Variants in MYCBP2 observed in about 807,000 individuals in gnomAD.
MYCBP2 encodes the protein E3 ubiquitin-protein ligase MYCBP2.
MYCBP2 carries 120 observed loss-of-function variants against 525.3 expected under a neutral mutation model. The ratio of observed to expected loss-of-function variants is 0.23; its 90% CI spans 0.20 to 0.27. The LOEUF (loss-of-function observed/expected upper bound fraction) is 0.27. MYCBP2 is among the 10% of genes least tolerant of loss of function. The pLI is 1.00. For missense variants in MYCBP2, 4,149 were observed against 5,657.1 expected (o/e 0.73, Z 8.55); for synonymous variants, 1,894 against 1,955.8 (o/e 0.97, Z 0.83).
At chr13:77,313,973 G>A (rs962818450) in intron 1 of MYCBP2, among the ~76,000 whole-genome samples, 5 of 151,558 alleles carry the variant, frequency 3.3e-5, no homozygotes, top group Non-Finnish European at 5.9e-5. Flanking sequence ...ACACCTATCA[G>A]AATGGCCAAA....
intron 18 of MYCBP2, among the ~76,000 whole-genome samples, chr13:77,229,151 T>C (rs1018631146): frequency 6.6e-6 from 1 of 152,230 alleles, no homozygotes; most frequent in African/African-American, 2.4e-5. Flanking sequence ...GCTAGTTGTA[T>C]GACAACTGGA....
At chr13:77,075,455 C>T (rs1465225770) in intron 68 of MYCBP2, 2 of 152,198 alleles carry the variant, frequency 1.3e-5, no homozygotes, top group Admixed American at 1.3e-4. Context: ...GCCAGTCTCT[C>T]TGATCAGTCC....
At chr13:77,176,677 A>T in intron 35 of MYCBP2, 49 bp from the exon 36 acceptor site, 1 of 1,352,146 alleles carries the variant, frequency 7.4e-7, no homozygotes, top group Non-Finnish European at 9.9e-7. Flanking sequence ...TCTTAATTTT[A>T]TTGTATGAAC....
intron 46 of MYCBP2, among the ~76,000 whole-genome samples, chr13:77,154,719 G>T (rs1288518876): frequency 6.6e-6 from 1 of 152,028 alleles, no homozygotes; most frequent in Non-Finnish European, 1.5e-5. Flanking sequence ...CAATATACAA[G>T]CCCTTCAACA....
At chr13:77,320,889 G>C (rs185750016) in intron 1 of MYCBP2, among the ~76,000 whole-genome samples, 1 of 152,280 alleles carries the variant, frequency 6.6e-6, no homozygotes, top group Admixed American at 6.5e-5. Flanking sequence ...TGCCCTTAAG[G>C]AGCTAGATTT....
intron 46 of MYCBP2, among the ~76,000 whole-genome samples, chr13:77,153,035 A>T (rs1022961889): frequency 1.4e-5 from 2 of 143,350 alleles, no homozygotes; most frequent in Non-Finnish European, 3.0e-5. Context: ...ACTGTACTCC[A>T]GCCTGGGCGA....
intron 26 of MYCBP2, among the ~76,000 whole-genome samples, chr13:77,200,562 A>C (rs1201217251): frequency 6.6e-6 from 1 of 152,184 alleles, no homozygotes; most frequent in Non-Finnish European, 1.5e-5. Context: ...ATACTCCTTG[A>C]GAAGAGCAAC....
At chr13:77,305,261 T>C (rs1055815901) in intron 1 of MYCBP2, among the ~76,000 whole-genome samples, 2 of 152,004 alleles carry the variant, frequency 1.3e-5, no homozygotes, top group African/African-American at 4.8e-5. Flanking sequence ...GCAAAAATAC[T>C]GCACAGCCAA....
intron 1 of MYCBP2, among the ~76,000 whole-genome samples, chr13:77,317,167 G>C (rs1429121594): frequency 1.3e-5 from 2 of 152,112 alleles, no homozygotes; most frequent in Non-Finnish European, 2.9e-5. Flanking sequence ...GGCTGAGCTG[G>C]TTTCGAACTC....
At chr13:77,301,381 C>T (rs958119610) in intron 1 of MYCBP2, among the ~76,000 whole-genome samples, 8 of 143,976 alleles carry the variant, frequency 5.6e-5, no homozygotes, top group African/African-American at 2.1e-4. Flanking sequence ...CAAGATCGCG[C>T]CACTGCACTC....
At chr13:77,210,330 T>C (rs901079581) in intron 23 of MYCBP2, among the ~76,000 whole-genome samples, 12 of 151,640 alleles carry the variant, frequency 7.9e-5, no homozygotes, top group Non-Finnish European at 8.8e-5. Flanking sequence ...GTAGCTGGGA[T>C]TACAGGTGCC....
At chr13:77,263,506 C>CA in intron 10 of MYCBP2, 145 bp downstream of exon 10, 1 of 583,052 alleles carries the variant, frequency 1.7e-6, no homozygotes, top group Admixed American at 3.4e-5. Context: ...CATATTAATT[C>CA]AAAATTATCC....
chr13:77,253,312 A>AT, intron 14 of MYCBP2, among the ~76,000 whole-genome samples: 1 of 152,052 alleles, frequency 6.6e-6, no homozygotes, highest in South Asian at 2.1e-4. Context: ...ACCAAAAGAC[A>AT]TTTACTAGAA....
At chr13:77,214,579 A>G (rs1194777065) in intron 21 of MYCBP2, among the ~76,000 whole-genome samples, 2 of 152,196 alleles carry the variant, frequency 1.3e-5, no homozygotes, top group Non-Finnish European at 2.9e-5. Flanking sequence ...AAGGGGAAAT[A>G]TATATATTTA....
At chr13:77,101,207 A>G (rs1295537285) in intron 55 of MYCBP2, among the ~76,000 whole-genome samples, 1 of 152,068 alleles carries the variant, frequency 6.6e-6, no homozygotes, top group Non-Finnish European at 1.5e-5. Context: ...TATATTTGGT[A>G]TCCCTTTCTC....
intron 1 of MYCBP2, among the ~76,000 whole-genome samples, chr13:77,319,476 T>C (rs9600862): frequency 0.64 from 96,899 of 151,980 alleles, 32,820 homozygotes; most frequent in Non-Finnish European, 0.76. Flanking sequence ...AGTTTTGGGT[T>C]GAAGCCTTAG....
At chr13:77,236,401 A>G (rs757075581) in intron 17 of MYCBP2, among the ~76,000 whole-genome samples, 3 of 152,172 alleles carry the variant, frequency 2.0e-5, no homozygotes, top group Non-Finnish European at 4.4e-5. Flanking sequence ...AAATAGTACA[A>G]GCCTTTCAGA....
chr13:77,289,663 C>A (rs1337029015), intron 2 of MYCBP2, among the ~76,000 whole-genome samples: 1 of 152,044 alleles, frequency 6.6e-6, no homozygotes, highest in African/African-American at 2.4e-5. Context: ...CTCAGCAACT[C>A]ATCAACATTG....
rs780050755 is a variant in MYCBP2 at position 77,164,488 on chromosome 13, T to G, written c.6513A>C (p.Ala2171=). The G allele has an allele frequency of 8.1e-6, 13 of 1,613,264 alleles. No homozygotes were observed. The highest frequency in any genetic ancestry group is 1.1e-5 in the Non-Finnish European group (13 of 1,179,322). ...GTGCTAGGTCCTTCTTCATCAGAGCTGCTGCACAAACCCCACCAAGATTGG... is the reference window on the plus strand; with the variant it reads ...GTGCTAGGTCCTTCTTCATCAGAGCGGCTGCACAAACCCCACCAAGATTGG... ...ELANLGGVCA[A]ALMKKDLALP... The change falls in exon 43 of 83, where the codon GCA becomes GCC. Residue 2171 remains alanine, a synonymous_variant. Transcript: ENST00000544440.
Sources: gnomAD v4.1 joint callset for allele counts (sites outside exome capture counted in the v4.1 genomes callset) on GRCh38, gnomAD v4.1.1 for gene constraint, MANE v1.5 for transcripts, NCBI Gene and HGNC (gene_info 2026-07-23, HGNC 2026-07-21) for gene names.